The following KIAA0753 variants were observed in gnomAD, a reference collection of about 807,000 sequenced individuals.
KIAA0753 encodes protein moonraker.
KIAA0753 carries 114 observed loss-of-function variants against 116.9 expected under a neutral mutation model. That is an observed-to-expected ratio of 0.98 (90% CI 0.84 to 1.14). The LOEUF is 1.14. KIAA0753 is among the 50% of genes most tolerant of loss of function. The probability of loss-of-function intolerance (pLI) is 0.00; values close to 1 mark genes in which losing one functional copy is unlikely to be tolerated. For synonymous variants in KIAA0753, 405 were observed against 413.1 expected, an observed-to-expected ratio of 0.98 and a Z score of 0.24; for missense variants, 1,156 against 1,172.4, an observed-to-expected ratio of 0.99 and a Z score of 0.20.
At chr17:6,607,024 G>C (rs1442590412) in intron 11 of KIAA0753, 62 bp from the exon 12 acceptor site, 1 of 1,528,118 alleles carries the variant, frequency 6.5e-7, no homozygotes, top group Non-Finnish European at 9.1e-7. Context: ...GCTCCCTTGA[G>C]CTCCAGTCTT....
At chr17:6,620,662 T>C (rs751979126) in intron 7 of KIAA0753, 126 bp downstream of exon 7, 1 of 843,170 alleles carries the variant, frequency 1.2e-6, no homozygotes, top group Non-Finnish European at 1.9e-6. Context: ...TTACTGATCC[T>C]AGTTAAAGTT....
At chr17:6,604,672 G>A (rs1017420187) in intron 12 of KIAA0753, among the ~76,000 whole-genome samples, 15 of 151,872 alleles carry the variant, frequency 9.9e-5, no homozygotes, top group Non-Finnish European at 2.1e-4. Flanking sequence ...AAGTGGGTGT[G>A]GCAACATGAG....
intron 2 of KIAA0753, among the ~76,000 whole-genome samples, chr17:6,631,745 A>AT (rs1972032100): frequency 6.6e-6 from 1 of 152,208 alleles, no homozygotes; most frequent in Non-Finnish European, 1.5e-5. Flanking sequence ...AAACAATGAC[A>AT]TGATAGTATC....
chr17:6,621,437 A>G (rs74526096), intron 6 of KIAA0753, among the ~76,000 whole-genome samples: 2,285 of 152,268 alleles, frequency 0.015, 25 homozygotes, highest in Middle Eastern at 0.027. Flanking sequence ...GGTCAATAAG[A>G]GTGGAGGGTC....
intron 17 of KIAA0753, 64 bp downstream of exon 17, chr17:6,590,446 C>T (rs1351516531): frequency 6.3e-7 from 1 of 1,588,494 alleles, no homozygotes; most frequent in African/African-American, 1.4e-5. Flanking sequence ...TGAAAGAATT[C>T]AAAATCTAAT....
intron 18 of KIAA0753, 52 bp from the exon 19 acceptor site, chr17:6,579,916 C>T: frequency 7.3e-7 from 1 of 1,362,374 alleles, no homozygotes; most frequent in Non-Finnish European, 1.0e-6. Flanking sequence ...GGCGCGGTGG[C>T]TCACACCTGT....
chr17:6,594,981 C>T lies in KIAA0753; in HGVS notation c.2431G>A (p.Glu811Lys), dbSNP rs201360042. The change falls in exon 16 of 19, where the codon GAA (glutamate) becomes AAA (lysine). Residue 811 changes from glutamate (E) to lysine (K), a missense_variant. By Grantham distance (56) the Glu-to-Lys change is moderately conservative. Transcript: ENST00000361413. Reference protein sequence around the residue: ...YADPRLWMQEENNDQKISAIS... With the variant: ...YADPRLWMQEKNNDQKISAIS... Reference sequence around the variant, plus strand: ...ATGGGGAAACACTCACCATTGTTTTCTTCCTGCATCCAAAGTCGAGGATCA... The same window carrying T: ...ATGGGGAAACACTCACCATTGTTTTTTTCCTGCATCCAAAGTCGAGGATCA... 693 of 1,610,034 alleles carry T rather than the reference C, an allele frequency of 4.3e-4. 1 individual carries two copies. The highest frequency in any genetic ancestry group is 5.5e-4 in the Non-Finnish European group (653 of 1,176,784).
rs780676235 is a variant in KIAA0753, at chr17:6,635,064, C to G, written c.40G>C (p.Ala14Pro). ...GQPASTCVHL[A>P]PRTQLDGRSD... ...CTCCCATCAAGTTGGGTCCTAGGTG[C>G]TAGATGAACACAGGTTGAAGCTGGC... Residue 14 changes from alanine to proline, a missense_variant, in exon 2 of 19, where the codon GCA becomes CCA. Transcript: ENST00000361413. 6.2e-7 allele frequency: 1 copy of G among 1,613,994 alleles called. No homozygotes were observed. Among genetic ancestry groups the G allele is most frequent in the Non-Finnish European group, 8.5e-7 (1 of 1,179,870 alleles).
At chr17:6,583,750 T>G (rs1968366930) in intron 18 of KIAA0753, among the ~76,000 whole-genome samples, 2 of 152,230 alleles carry the variant, frequency 1.3e-5, no homozygotes, top group South Asian at 4.1e-4. Flanking sequence ...TGTCTTTTAT[T>G]TCTATGAATG....
intron 7 of KIAA0753, 88 bp from the exon 8 acceptor site, chr17:6,612,236 C>CAG: frequency 1.1e-6 from 1 of 930,048 alleles, no homozygotes; most frequent in Non-Finnish European, 1.7e-6. Flanking sequence ...AGATAGGCTC[C>CAG]AAATACCTAT....
At chr17:6,597,148 G>A (rs546878856) in intron 14 of KIAA0753, among the ~76,000 whole-genome samples, 51 of 152,282 alleles carry the variant, frequency 3.3e-4, no homozygotes, top group Middle Eastern at 3.4e-3. Flanking sequence ...GAGCTTGCAC[G>A]CTGAGACACT....
At chr17:6,589,707 T>A (rs1968846975) in intron 18 of KIAA0753, 72 bp downstream of exon 18, 5 of 1,184,940 alleles carry the variant, frequency 4.2e-6, no homozygotes, top group Non-Finnish European at 6.0e-6. Context: ...GGCTAATGCT[T>A]TCTCCAGCTT....
chr17:6,603,887 T>A (rs1970028629), intron 12 of KIAA0753, among the ~76,000 whole-genome samples: 1 of 152,122 alleles, frequency 6.6e-6, no homozygotes, highest in Admixed American at 6.5e-5. Flanking sequence ...CATGGCCACA[T>A]GCCAGCAAAG....
Position 6,579,148 on chromosome 17 carries a change from G to C in KIAA0753, c.*599C>G, listed in dbSNP as rs931890511. 1.3e-5 allele frequency: 2 copies of C among 152,234 alleles called. No individual in the cohort carries two copies. Among genetic ancestry groups the C allele is most frequent in the African/African-American group, 4.8e-5 (2 of 41,452 alleles). 9.4% of individuals were successfully genotyped at this position (152,234 alleles called of 1,614,324 possible). A position where few individuals can be genotyped will look rare whatever the true frequency, so the allele number is the denominator to read the frequency against. The stretch of plus-strand genomic sequence containing the variant: ...CCTAGGAATGGAACGTTGAAGAAAT[G>C]TGTGTCTATTATTGTGCACTGACAG... On this transcript the variant is annotated 3_prime_UTR_variant, in exon 19 of 19. Transcript: ENST00000361413.
At chr17:6,636,395 T>C (rs1972322856) in intron 1 of KIAA0753, 1 of 152,112 alleles carries the variant, frequency 6.6e-6, no homozygotes, top group Non-Finnish European at 1.5e-5. Flanking sequence ...AAATGGTCAG[T>C]ACTTCCCTCC....
rs1247941991 is a variant in KIAA0753 at position 6,620,811 on chromosome 17, G to A, written c.1292C>T (p.Ser431Phe). ...ACCGGCAAGAAGCTGCTTTGCTACA[G>A]AAGGTCGACTTGTTTCCTGTGGGAA... ...DTFPQETSRP[S>F]VAKQLLADKY... The change falls in exon 7 of 19, where the codon TCT becomes TTT. Residue 431 changes from serine (S) to phenylalanine (F), a missense_variant. Ser to Phe is a radical substitution (Grantham distance 155). Transcript: ENST00000361413. 1 of 1,614,040 alleles carries A rather than the reference G, an allele frequency of 6.2e-7. No homozygotes were observed. The highest frequency in any genetic ancestry group is 8.5e-7 in the Non-Finnish European group (1 of 1,180,006).
At chr17:6,604,244 G>A (rs1970052152) in intron 12 of KIAA0753, among the ~76,000 whole-genome samples, 1 of 100,174 alleles carries the variant, frequency 1.0e-5, no homozygotes, top group African/African-American at 4.9e-5. Context: ...GAACTCAGAT[G>A]TTCTTTTTTT....
Position 6,608,462 on chromosome 17 carries a change from GC to G in KIAA0753, c.1714del (p.Ala572LeufsTer4). The G allele has an allele frequency of 6.7e-7, 1 of 1,490,706 alleles. No homozygotes were observed. The highest frequency in any genetic ancestry group is 9.0e-7 in the Non-Finnish European group (1 of 1,106,400). 92.3% of individuals were successfully genotyped at this position (1,490,706 alleles called of 1,614,324 possible). On this transcript the variant is annotated frameshift_variant and splice_region_variant, in exon 10 of 19. Coordinates refer to ENST00000361413, the MANE Select transcript of KIAA0753 (RefSeq NM_014804.3). LOFTEE classifies it high-confidence loss of function. ...PTSPPASPKC[A>X]AWLKVKTSPR... is the part of the protein sequence containing the mutation. The stretch of plus-strand genomic sequence containing the variant: ...GCTAGTTTTCACCTTTAGCCATGCA[GC>G]ACTGAAATAAATGGAAAAGCATACC...
chr17:6,590,396 T>G, intron 17 of KIAA0753, 114 bp downstream of exon 17: 2 of 1,297,190 alleles, frequency 1.5e-6, no homozygotes. Flanking sequence ...TTTGGCAAGA[T>G]CTTGCTCAAA....
Sources: gnomAD v4.1 joint callset for allele counts (sites outside exome capture counted in the v4.1 genomes callset) on GRCh38, gnomAD v4.1.1 for gene constraint, MANE v1.5 for transcripts, NCBI Gene and HGNC (gene_info 2026-07-23, HGNC 2026-07-21) for gene names.